The following CEP83 variants were observed in gnomAD, a reference collection of about 807,000 sequenced individuals.
The protein encoded by CEP83 is centrosomal protein 83, also known as centrosomal protein of 83 kDa.
CEP83 carries 70 observed loss-of-function variants against 101.9 expected under a neutral mutation model. The ratio of observed to expected loss-of-function variants is 0.69; its 90% confidence interval spans 0.57 to 0.84. CEP83 has a LOEUF of 0.84. CEP83 is among the 40% of genes least tolerant of loss of function. The pLI, the probability that CEP83 is intolerant of heterozygous loss-of-function variation, is 0.00. For missense variants in CEP83, 715 were observed against 787.2 expected (o/e 0.91, Z 1.10); for synonymous variants, 264 against 267.9 (o/e 0.99, Z 0.14).
At chr12:94,280,816 G>T in the CEP83 span, among the ~76,000 whole-genome samples, 1 of 152,210 alleles carries the variant, frequency 6.6e-6, no homozygotes, top group Non-Finnish European at 1.5e-5. Flanking sequence ...GTAGGTAGTA[G>T]CATCCTTACT....
At chr12:94,390,170 G>A (rs1211344686) in intron 6 of CEP83, among the ~76,000 whole-genome samples, 1 of 152,186 alleles carries the variant, frequency 6.6e-6, no homozygotes, top group Non-Finnish European at 1.5e-5. Context: ...TCCTCAAGTG[G>A]GTCCCTGGCA....
chr12:94,424,627 T>TA (rs2065041621), intron 2 of CEP83: 2 of 1,613,636 alleles, frequency 1.2e-6, no homozygotes, highest in Admixed American at 1.7e-5. Context: ...TCAGTGCTGT[T>TA]ACAGCTTTCT....
the CEP83 span, among the ~76,000 whole-genome samples, chr12:94,271,925 T>C: frequency 3.3e-5 from 5 of 152,174 alleles, no homozygotes; most frequent in Non-Finnish European, 7.3e-5. Context: ...TGTGTGCTTA[T>C]GTTCTTGTTA....
intron 6 of CEP83, among the ~76,000 whole-genome samples, chr12:94,393,161 G>A (rs1187009946): frequency 4.6e-5 from 7 of 152,194 alleles, no homozygotes; most frequent in East Asian, 1.9e-4. Context: ...AAGCCTGGAA[G>A]AGACACAACA....
chr12:94,376,932 G>A (rs1477144065), intron 7 of CEP83, among the ~76,000 whole-genome samples: 2 of 151,774 alleles, frequency 1.3e-5, no homozygotes, highest in Non-Finnish European at 2.9e-5. Flanking sequence ...TAGAGACAGG[G>A]TTTCACCCGT....
chr12:94,426,363 T>C (rs1461723092), intron 2 of CEP83, among the ~76,000 whole-genome samples: 8 of 152,170 alleles, frequency 5.3e-5, no homozygotes, highest in Admixed American at 5.2e-4. Flanking sequence ...CCCAAATAGT[T>C]CATTATTCTG....
intron 13 of CEP83, among the ~76,000 whole-genome samples, 158 bp from the exon 14 acceptor site, chr12:94,331,987 C>G (rs1325714116): frequency 6.6e-6 from 1 of 152,212 alleles, no homozygotes; most frequent in Non-Finnish European, 1.5e-5. Context: ...GAAATCCCAC[C>G]ATTACTGAGC....
At chr12:94,299,294 G>A in the CEP83 span, among the ~76,000 whole-genome samples, 10 of 152,148 alleles carry the variant, frequency 6.6e-5, no homozygotes, top group Non-Finnish European at 1.3e-4. Context: ...CTTAAGGACA[G>A]GCAAGGCATC....
intron 11 of CEP83, among the ~76,000 whole-genome samples, chr12:94,340,857 G>A (rs992749612): frequency 3.9e-5 from 6 of 152,168 alleles, no homozygotes; most frequent in African/African-American, 7.2e-5. Context: ...AATAAGAGAG[G>A]AGAGAGAAAA....
the CEP83 span, among the ~76,000 whole-genome samples, chr12:94,275,702 A>G: frequency 7.7e-6 from 1 of 129,948 alleles, no homozygotes; most frequent in African/African-American, 3.1e-5. Context: ...AAAAATACAA[A>G]AAATTAGCCG....
the CEP83 span, among the ~76,000 whole-genome samples, chr12:94,295,255 A>C: frequency 5.2e-4 from 79 of 152,314 alleles, no homozygotes; most frequent in South Asian, 1.4e-3. Flanking sequence ...AGCAGGGAGC[A>C]TCTGGCCAGT....
chr12:94,275,931 T>C, the CEP83 span, among the ~76,000 whole-genome samples: 1 of 146,482 alleles, frequency 6.8e-6, no homozygotes, highest in African/African-American at 2.5e-5. Flanking sequence ...AATGAACACA[T>C]ATCAATTTAT....
intron 6 of CEP83, among the ~76,000 whole-genome samples, chr12:94,384,810 A>G (rs529756732): frequency 1.3e-5 from 2 of 152,244 alleles, no homozygotes; most frequent in African/African-American, 4.8e-5. Context: ...AACCACGTTT[A>G]TAATTCCTCA....
intron 11 of CEP83, among the ~76,000 whole-genome samples, chr12:94,345,878 A>C (rs1375251963): frequency 6.6e-6 from 1 of 152,126 alleles, no homozygotes. Flanking sequence ...TGAAGTCTCC[A>C]AAAAAGACTC....
intron 11 of CEP83, among the ~76,000 whole-genome samples, chr12:94,365,623 A>G (rs2060981867): frequency 6.6e-6 from 1 of 152,150 alleles, no homozygotes; most frequent in African/African-American, 2.4e-5. Context: ...TACAAAATTT[A>G]GCCAGTTGTG....
chr12:94,373,035 A>G (rs1407869727), intron 8 of CEP83, among the ~76,000 whole-genome samples: 1 of 152,214 alleles, frequency 6.6e-6, no homozygotes, highest in Admixed American at 6.5e-5. Flanking sequence ...ACCAAATTCC[A>G]AATGTTACAG....
At chr12:94,307,591 T>C (rs149790671), downstream of CEP83, 8 of 152,310 alleles carry the variant, frequency 5.3e-5, no homozygotes, top group East Asian at 1.2e-3. Flanking sequence ...GTCTATTTCT[T>C]ATTGTATACC....
At chr12:94,375,831 C>T in intron 8 of CEP83, 55 bp downstream of exon 8, 2 of 942,188 alleles carry the variant, frequency 2.1e-6, no homozygotes, top group Non-Finnish European at 3.0e-6. Context: ...TAAAATTTAT[C>T]ATTATATACT....
intron 1 of CEP83, among the ~76,000 whole-genome samples, chr12:94,440,838 G>A (rs999543334): frequency 2.0e-5 from 3 of 152,160 alleles, no homozygotes; most frequent in African/African-American, 7.2e-5. Context: ...CAGGCACATA[G>A]ATCAATGGAA....
Sources: allele counts gnomAD v4.1 joint callset (sites outside exome capture counted in the v4.1 genomes callset), GRCh38; gene constraint gnomAD v4.1.1; transcripts MANE v1.5; gene names NCBI Gene and HGNC (gene_info 2026-07-23, HGNC 2026-07-21).